Variants in COL19A1 observed in about 807,000 individuals in gnomAD.
COL19A1 encodes the protein collagen alpha-1(XIX) chain.
COL19A1 carries 159 observed loss-of-function variants against 190.2 expected under a neutral mutation model. The ratio of observed to expected loss-of-function variants is 0.84; its 90% CI spans 0.73 to 0.95. The LOEUF (loss-of-function observed/expected upper bound fraction) is 0.95. Ranked by LOEUF, COL19A1 falls within the 40% of genes least tolerant of loss-of-function variation. COL19A1 has a pLI of 0.00. For synonymous variants in COL19A1, 509 were observed against 458.9 expected, an observed-to-expected ratio of 1.11 and a Z score of -1.39; for missense variants, 1,418 against 1,431.9, an observed-to-expected ratio of 0.99 and a Z score of 0.16.
intron 14 of COL19A1, chr6:70,059,616 G>T (rs1346586654): frequency 2.6e-5 from 7 of 265,468 alleles, no homozygotes; most frequent in South Asian, 2.2e-4. Context: ...AGCTGGCTTG[G>T]ACTATTTTTT....
chr6:69,921,096 A>T (rs1239981264), intron 4 of COL19A1, among the ~76,000 whole-genome samples: 18 of 117,834 alleles, frequency 1.5e-4, no homozygotes. Flanking sequence ...TCATAGACAT[A>T]TCATATATTC....
At chr6:70,127,799 G>A (rs946779046) in intron 17 of COL19A1, among the ~76,000 whole-genome samples, 1 of 152,048 alleles carries the variant, frequency 6.6e-6, no homozygotes, top group Non-Finnish European at 1.5e-5. Flanking sequence ...TCACACCCAT[G>A]ATTCAATTAC....
At chr6:69,943,452 C>T (rs1773599056) in intron 9 of COL19A1, among the ~76,000 whole-genome samples, 1 of 152,014 alleles carries the variant, frequency 6.6e-6, no homozygotes. Context: ...TGCCTGTGCT[C>T]TTGAGGTTGT....
At chr6:69,991,378 G>C (rs1015440676) in intron 11 of COL19A1, among the ~76,000 whole-genome samples, 92 of 152,014 alleles carry the variant, frequency 6.1e-4, no homozygotes, top group African/African-American at 2.2e-3. Flanking sequence ...CTTTATGATA[G>C]AATAATTTAT....
intron 19 of COL19A1, 142 bp from the exon 20 acceptor site, chr6:70,140,808 AAGAC>A: frequency 1.4e-6 from 1 of 731,600 alleles, no homozygotes; most frequent in Non-Finnish European, 2.4e-6. Context: ...TTAAGCTGCA[AAGAC>A]AGACTGTGTG....
chr6:70,198,111 A>G (rs1227208328), intron 48 of COL19A1, among the ~76,000 whole-genome samples: 1 of 152,212 alleles, frequency 6.6e-6, no homozygotes, highest in Non-Finnish European at 1.5e-5. Context: ...ATTCAACTAA[A>G]TCAACTAAAC....
At chr6:69,895,838 G>A (rs1168819896) in intron 2 of COL19A1, among the ~76,000 whole-genome samples, 1 of 152,080 alleles carries the variant, frequency 6.6e-6, no homozygotes, top group Non-Finnish European at 1.5e-5. Context: ...GTTTTTCATT[G>A]TATATGCCAC....
Position 70,091,149 on chromosome 6 carries a change from A to G in COL19A1, c.1225-11020A>G, listed in dbSNP as rs544763536. Among the ~76,000 whole-genome samples the G allele has an allele frequency of 2.0e-5, 3 of 152,262 alleles. No individual in the cohort carries two copies. In the East Asian group the frequency reaches 5.8e-4, roughly 29 times the overall value. ...TTATTTAGTTCTTAGAGATGCAATA[A>G]GTATAGCCTAGTGGTAATGGTCAGA... On this transcript the variant is annotated intron_variant, in intron 15 of 50. Transcript: ENST00000620364.
chr6:70,060,106 T>G (rs899900777), intron 14 of COL19A1, among the ~76,000 whole-genome samples: 5 of 152,148 alleles, frequency 3.3e-5, no homozygotes, highest in Admixed American at 2.6e-4. Flanking sequence ...AAATGAACTA[T>G]AAGGCAATTT....
rs538175822 is a variant in COL19A1 at position 70,167,017 on chromosome 6, C to T, written c.2446-1008C>T. On this transcript the variant is annotated intron_variant, in intron 37 of 50. Transcript: ENST00000620364. Reference sequence around the variant, plus strand: ...AAACACAGTTTAAATGTTTTCTTCCCTGGGAAACCTCCTTTGGAAATCTCA... The same window carrying T: ...AAACACAGTTTAAATGTTTTCTTCCTTGGGAAACCTCCTTTGGAAATCTCA... 2.0e-5 allele frequency among the ~76,000 whole-genome samples: 3 copies of T among 152,208 alleles called. No homozygotes were observed. In the East Asian group the frequency reaches 5.8e-4, roughly 29 times the overall value.
intron 18 of COL19A1, among the ~76,000 whole-genome samples, chr6:70,132,714 T>C (rs539741364): frequency 1.3e-5 from 2 of 151,378 alleles, no homozygotes; most frequent in Non-Finnish European, 3.0e-5. Context: ...AGGGTAGGGG[T>C]CTTATCTCTA....
chr6:70,139,693 C>G (rs1369609595), intron 19 of COL19A1, among the ~76,000 whole-genome samples: 1 of 151,882 alleles, frequency 6.6e-6, no homozygotes, highest in Admixed American at 6.6e-5. Flanking sequence ...CCACTGATCC[C>G]GAATGGTAAC....
intron 7 of COL19A1, among the ~76,000 whole-genome samples, chr6:69,935,047 T>A (rs910802692): frequency 3.3e-5 from 5 of 152,034 alleles, no homozygotes; most frequent in African/African-American, 1.2e-4. Flanking sequence ...TTTTTAAAGA[T>A]CACCTATAAA....
intron 9 of COL19A1, among the ~76,000 whole-genome samples, chr6:69,939,450 G>T (rs1773313521): frequency 6.6e-6 from 1 of 152,036 alleles, no homozygotes; most frequent in Non-Finnish European, 1.5e-5. Context: ...GAAGCTTAGG[G>T]GGGTTAAATT....
At chr6:70,144,325 A>C in intron 24 of COL19A1, 62 bp downstream of exon 24, 1 of 1,432,370 alleles carries the variant, frequency 7.0e-7, no homozygotes, top group East Asian at 2.3e-5. Flanking sequence ...ACAGAGGATC[A>C]TAAGGGAGAT....
chr6:69,893,864 G>T (rs187327482), intron 2 of COL19A1, among the ~76,000 whole-genome samples: 1 of 152,232 alleles, frequency 6.6e-6, no homozygotes, highest in African/African-American at 2.4e-5. Flanking sequence ...ATCTTAGCCT[G>T]AACATTCTTT....
At chr6:69,933,102 A>C (rs1772886600) in intron 7 of COL19A1, among the ~76,000 whole-genome samples, 1 of 152,084 alleles carries the variant, frequency 6.6e-6, no homozygotes, top group African/African-American at 2.4e-5. Context: ...ACTCAGTATA[A>C]CTTAAAGTTA....
intron 11 of COL19A1, among the ~76,000 whole-genome samples, chr6:70,018,778 A>C (rs974168686): frequency 2.6e-5 from 4 of 152,146 alleles, no homozygotes; most frequent in Non-Finnish European, 5.9e-5. Context: ...TCCTACTGGA[A>C]ATCCTCTGAG....
At chr6:70,186,927 G>C (rs540108422) in intron 46 of COL19A1, among the ~76,000 whole-genome samples, 3 of 152,122 alleles carry the variant, frequency 2.0e-5, no homozygotes, top group Admixed American at 1.3e-4. Flanking sequence ...GCCCAGGCTA[G>C]AGTGCAATGG....
Sources: allele counts gnomAD v4.1 joint callset (sites outside exome capture counted in the v4.1 genomes callset), GRCh38; gene constraint gnomAD v4.1.1; transcripts MANE v1.5; gene names NCBI Gene and HGNC (gene_info 2026-07-23, HGNC 2026-07-21).